SLC35F1: variants seen among roughly 807,000 people sequenced by gnomAD.
The protein encoded by SLC35F1 is chromosome 6 open reading frame 169.
A neutral mutation model predicts 48.7 loss-of-function variants in SLC35F1; 14 were observed. That is an observed-to-expected ratio of 0.29 (90% CI 0.19 to 0.45). The LOEUF is 0.45. Among genes scored for constraint, SLC35F1 ranks in the 20% least tolerant of loss-of-function variants. The pLI is 1.00. For synonymous variants in SLC35F1, 190 were observed against 202.2 expected (o/e 0.94, Z 0.51); for missense variants, 404 against 500.0 (o/e 0.81, Z 1.83).
In SLC35F1 at chr6:117,914,996, G is replaced by A. The variant is rs572123923; in HGVS notation, c.173+7097G>A. Among the ~76,000 whole-genome samples, 10 of 152,284 alleles carry A rather than the reference G, an allele frequency of 6.6e-5. No homozygotes were observed. The South Asian group carries it at 2.1e-3, about 32-fold the overall frequency. ...GAACAGATTTGAATCCCATTCTTCT[G>A]TTCAGGGTGAACCTATCAAGGTCCT... On this transcript the variant is annotated intron_variant, in intron 1 of 7. Transcript: ENST00000360388.
intron 1 of SLC35F1, among the ~76,000 whole-genome samples, chr6:118,090,230 G>A (rs1773053214): frequency 6.6e-6 from 1 of 152,120 alleles, no homozygotes. Flanking sequence ...AACTGGCCAG[G>A]ATGCTCTAAG....
chr6:118,078,425 A>G (rs942600077), intron 1 of SLC35F1, among the ~76,000 whole-genome samples: 14 of 152,340 alleles, frequency 9.2e-5, no homozygotes, highest in Non-Finnish European at 1.9e-4. Flanking sequence ...GAAATGATGA[A>G]GGGGAAAAAA....
chr6:118,041,743 T>G (rs1772224389), intron 1 of SLC35F1, among the ~76,000 whole-genome samples: 1 of 151,958 alleles, frequency 6.6e-6, no homozygotes, highest in Non-Finnish European at 1.5e-5. Context: ...GGATCAGCAA[T>G]GGAAAAACGC....
intron 1 of SLC35F1, among the ~76,000 whole-genome samples, chr6:117,921,744 G>A (rs1200850212): frequency 6.6e-6 from 1 of 152,132 alleles, no homozygotes; most frequent in Non-Finnish European, 1.5e-5. Flanking sequence ...TACTTCCCTG[G>A]CCCCAAAGTT....
At chr6:118,054,930 C>T (rs576912789) in intron 1 of SLC35F1, among the ~76,000 whole-genome samples, 1 of 152,272 alleles carries the variant, frequency 6.6e-6, no homozygotes, top group African/African-American at 2.4e-5. Flanking sequence ...GCATGCACCA[C>T]CACACCCAGC....
At chr6:118,249,980 A>C (rs1282310446) in intron 3 of SLC35F1, among the ~76,000 whole-genome samples, 1 of 152,206 alleles carries the variant, frequency 6.6e-6, no homozygotes, top group Non-Finnish European at 1.5e-5. Context: ...CTCAATAAGT[A>C]GATTTATACA....
intron 1 of SLC35F1, among the ~76,000 whole-genome samples, chr6:118,114,934 A>G (rs1773456898): frequency 6.6e-6 from 1 of 152,152 alleles, no homozygotes; most frequent in African/African-American, 2.4e-5. Context: ...GTTTTTAACC[A>G]CTGAAAGGAT....
At chr6:118,275,713 C>T in intron 5 of SLC35F1, 98 bp downstream of exon 5, 1 of 1,109,130 alleles carries the variant, frequency 9.0e-7, no homozygotes, top group Non-Finnish European at 1.3e-6. Context: ...GGCTGGAATC[C>T]AGACACCAGC....
intron 1 of SLC35F1, among the ~76,000 whole-genome samples, chr6:117,969,265 C>G (rs1027587215): frequency 6.6e-6 from 1 of 152,100 alleles, no homozygotes; most frequent in East Asian, 1.9e-4. Flanking sequence ...CATCTTTAAA[C>G]AAGAATATAT....
chr6:118,230,715 G>C (rs542538425), intron 2 of SLC35F1, among the ~76,000 whole-genome samples: 1 of 152,330 alleles, frequency 6.6e-6, no homozygotes, highest in African/African-American at 2.4e-5. Flanking sequence ...TGGCGTGGTG[G>C]CTCATGCCTG....
intron 3 of SLC35F1, 99 bp downstream of exon 3, chr6:118,235,735 G>C (rs1284871494): frequency 4.6e-6 from 6 of 1,294,510 alleles, no homozygotes; most frequent in Non-Finnish European, 6.4e-6. Flanking sequence ...GTTACTATCT[G>C]TATACTATAC....
At chr6:117,989,091 C>T (rs898053354) in intron 1 of SLC35F1, among the ~76,000 whole-genome samples, 9 of 152,238 alleles carry the variant, frequency 5.9e-5, no homozygotes, top group East Asian at 1.9e-4. Context: ...TCGGATGATT[C>T]GTAGTCAGTG....
chr6:118,157,382 G>A (rs1304205178), intron 2 of SLC35F1, among the ~76,000 whole-genome samples: 2 of 152,160 alleles, frequency 1.3e-5, no homozygotes, highest in African/African-American at 4.8e-5. Context: ...GCGGTCAGGA[G>A]GACTGTATTA....
At chr6:118,059,615 A>G (rs984997534) in intron 1 of SLC35F1, among the ~76,000 whole-genome samples, 2 of 152,110 alleles carry the variant, frequency 1.3e-5, no homozygotes, top group African/African-American at 2.4e-5. Flanking sequence ...TTTCTGAGAA[A>G]CCCAGGTGTG....
intron 1 of SLC35F1, among the ~76,000 whole-genome samples, chr6:118,051,009 T>G (rs1034305600): frequency 1.3e-5 from 2 of 152,146 alleles, no homozygotes; most frequent in Non-Finnish European, 2.9e-5. Context: ...GACATCCCCT[T>G]CTGCTATCAA....
intron 2 of SLC35F1, among the ~76,000 whole-genome samples, chr6:118,154,953 A>C (rs1033934583): frequency 6.6e-6 from 1 of 152,210 alleles, no homozygotes; most frequent in African/African-American, 2.4e-5. Context: ...TGATGCAGAT[A>C]TTCTAAATAA....
intron 3 of SLC35F1, 70 bp downstream of exon 3, chr6:118,235,706 G>GA (rs1775355854): frequency 1.3e-6 from 2 of 1,528,144 alleles, no homozygotes; most frequent in Admixed American, 1.9e-5. Context: ...TTTAGTCCTT[G>GA]AAAATCTCTA....
chr6:118,193,892 C>A (rs1466867946), intron 2 of SLC35F1, among the ~76,000 whole-genome samples: 2 of 152,164 alleles, frequency 1.3e-5, no homozygotes, highest in Non-Finnish European at 2.9e-5. Flanking sequence ...TAATATCTGA[C>A]CTAATTTAGA....
At chr6:117,981,245 A>C (rs1776773798) in intron 1 of SLC35F1, among the ~76,000 whole-genome samples, 1 of 152,092 alleles carries the variant, frequency 6.6e-6, no homozygotes, top group Non-Finnish European at 1.5e-5. Context: ...GGCAGGAGAG[A>C]GATGGTGCTG....
Sources: gnomAD v4.1 joint callset for allele counts (sites outside exome capture counted in the v4.1 genomes callset) on GRCh38, gnomAD v4.1.1 for gene constraint, MANE v1.5 for transcripts, NCBI Gene and HGNC (gene_info 2026-07-23, HGNC 2026-07-21) for gene names.